The following AXL variants were observed in gnomAD, a reference collection of about 807,000 sequenced individuals.
AXL encodes AXL receptor tyrosine kinase.
AXL carries 52 observed loss-of-function variants against 104.5 expected under a neutral mutation model. That is an observed-to-expected ratio of 0.50 (90% CI 0.40 to 0.63). AXL has a LOEUF of 0.63. Ranked by LOEUF, AXL falls within the 20% of genes least tolerant of loss-of-function variation. AXL has a pLI of 0.00. For missense variants in AXL, 1,024 were observed against 1,188.5 expected, an observed-to-expected ratio of 0.86 and a Z score of 2.04; for synonymous variants, 455 against 473.7, an observed-to-expected ratio of 0.96 and a Z score of 0.51.
At chr19:41,245,450 G>A (rs573047411) in intron 12 of AXL, among the ~76,000 whole-genome samples, 111 of 152,342 alleles carry the variant, frequency 7.3e-4, no homozygotes, top group South Asian at 3.9e-3. Flanking sequence ...TCGGCTGGGT[G>A]CAGTGGCTCA....
intron 4 of AXL, among the ~76,000 whole-genome samples, chr19:41,227,754 G>T (rs2033908927): frequency 6.6e-6 from 1 of 152,104 alleles, no homozygotes; most frequent in South Asian, 2.1e-4. Flanking sequence ...CTCCCAAAGT[G>T]CTGGGATTAC....
At chr19:41,250,885 G>A (rs1468910389) in intron 14 of AXL, among the ~76,000 whole-genome samples, 1 of 152,066 alleles carries the variant, frequency 6.6e-6, no homozygotes, top group Non-Finnish European at 1.5e-5. Flanking sequence ...TCTTGGCCTG[G>A]GTCTGAATCT....
rs1457227162 is a variant in AXL at position 41,257,772 on chromosome 19, G to GGTTAGGGCCAT, written c.2333+143_2333+144insGTTAGGGCCAT. ...AGTGACCCACTTGCCCCTCACCAAT[G>GGTTAGGGCCAT]CTCTGAGTAGGGCCATCACTAACCA... On this transcript the variant is annotated intron_variant, in intron 19 of 19. Coordinates refer to ENST00000301178, the MANE Select transcript of AXL (RefSeq NM_021913.5). 1.7e-4 allele frequency: 176 copies of GGTTAGGGCCAT among 1,060,370 alleles called. 1 individual carries two copies. The East Asian group carries it at 4.2e-3, about 25-fold the overall frequency. The allele number at this position is 1,060,370 out of a possible 1,614,324, so 65.7% of individuals were successfully genotyped here. A position where few individuals can be genotyped will look rare whatever the true frequency, so the allele number is the denominator to read the frequency against.
At chr19:41,256,695 C>T in intron 18 of AXL, 84 bp downstream of exon 18, 1 of 1,550,706 alleles carries the variant, frequency 6.4e-7, no homozygotes, top group Non-Finnish European at 8.8e-7. Flanking sequence ...GCTGTGGATG[C>T]AAGGGTCACA....
intron 18 of AXL, 72 bp from the exon 19 acceptor site, chr19:41,257,421 C>T: frequency 1.3e-6 from 2 of 1,592,152 alleles, no homozygotes; most frequent in Non-Finnish European, 1.7e-6. Context: ...TGTGGGTGTA[C>T]CCATGAACCT....
intron 4 of AXL, chr19:41,226,641 G>A (rs990079486): frequency 1.4e-6 from 1 of 695,750 alleles, no homozygotes; most frequent in Non-Finnish European, 1.8e-6. Flanking sequence ...TACACGCACG[G>A]AGCAAACACG....
At chr19:41,246,473 T>C (rs1471615537) in intron 12 of AXL, among the ~76,000 whole-genome samples, 1 of 130,206 alleles carries the variant, frequency 7.7e-6, no homozygotes, top group East Asian at 2.2e-4. Flanking sequence ...ATAAACCTGA[T>C]AGGTTTTCTT....
At position 41,256,502 on chromosome 19, in the gene AXL, A is replaced by T. The variant is rs1285675499; in HGVS notation, c.2087A>T (p.Lys696Met). ...GTGGCGGACTTCGGGCTCTCCAAGA[A>T]GATCTACAATGGGGACTACTACCGC... ...VCVADFGLSKKIYNGDYYRQG... is the reference protein window; with the variant it reads ...VCVADFGLSKMIYNGDYYRQG... Residue 696 changes from lysine to methionine, a missense_variant, in exon 18 of 20, where the codon AAG (lysine) becomes ATG (methionine). Physicochemically the swap from Lys to Met is moderately conservative, Grantham distance 95 (BLOSUM62 -1). This residue lies in a region of AXL where 523 missense variants were observed against 636.0 expected (regional missense o/e 0.82). Coordinates refer to ENST00000301178, the MANE Select transcript of AXL (RefSeq NM_021913.5). The T allele has an allele frequency of 1.2e-6, 2 of 1,614,072 alleles. No homozygotes were observed. Among genetic ancestry groups the T allele is most frequent in the Admixed American group, 3.3e-5 (2 of 60,008 alleles).
intron 12 of AXL, 69 bp from the exon 13 acceptor site, chr19:41,248,445 C>T (rs2034305950): frequency 7.0e-7 from 1 of 1,424,768 alleles, no homozygotes; most frequent in Non-Finnish European, 9.9e-7. Context: ...TCTATCCCTA[C>T]TGGTGGGTGA....
intron 4 of AXL, among the ~76,000 whole-genome samples, chr19:41,229,793 G>A (rs1362352517): frequency 6.6e-6 from 1 of 152,100 alleles, no homozygotes; most frequent in African/African-American, 2.4e-5. Flanking sequence ...AGTGGGAGAG[G>A]GGTTGGTAGG....
rs1297688569 is a variant in AXL at position 41,219,415 on chromosome 19, T to A, written c.23T>A (p.Met8Lys). 6.2e-7 allele frequency: 1 copy of A among 1,604,308 alleles called. No homozygotes were observed. Among genetic ancestry groups the A allele is most frequent in the East Asian group, 2.3e-5 (1 of 44,422 alleles). ...CCCATGGCGTGGCGGTGCCCCAGGA[T>A]GGGCAGGGTCCCGCTGGCCTGGTGC... is the stretch of plus-strand genomic sequence containing the variant. MAWRCPR[M>K]GRVPLAWCLA... Residue 8 changes from methionine to lysine, a missense_variant, in exon 1 of 20, where the codon ATG becomes AAG. This residue lies in a region of AXL where 124 missense variants were observed against 115.5 expected (regional missense o/e 1.07). Transcript: ENST00000301178.
intron 4 of AXL, among the ~76,000 whole-genome samples, chr19:41,226,303 T>C (rs995691294): frequency 1.3e-5 from 2 of 152,084 alleles, no homozygotes; most frequent in African/African-American, 2.4e-5. Context: ...GCGCTGACCC[T>C]GGCGGGGCCC....
At position 41,238,303 on chromosome 19, in the gene AXL, C is replaced by T. The variant is rs973246219; in HGVS notation, c.994+149C>T. 2.6e-5 allele frequency: 37 copies of T among 1,424,872 alleles called. No homozygotes were observed. In the Middle Eastern group the frequency reaches 1.0e-3, roughly 38 times the overall value. The allele number at this position is 1,424,872 out of a possible 1,614,324, so 88.3% of individuals were successfully genotyped here. On this transcript the variant is annotated intron_variant, in intron 7 of 19. Transcript: ENST00000301178. ...TCTCTGACCCCTCAGCAGCACTGCC[C>T]GCTGGCCTCTCTCCCAGCCCTTCTC...
In AXL at chr19:41,237,958, C is replaced by T. The variant is rs763605285; in HGVS notation, c.798C>T (p.Asp266=). 18 of 1,613,798 alleles carry T rather than the reference C, an allele frequency of 1.1e-5. No individual in the cohort carries two copies. Among genetic ancestry groups the T allele is most frequent in the Admixed American group, 5.0e-5 (3 of 59,938 alleles). ...THCTLQAVLS[D]DGMGIQAGEP... is the part of the protein sequence containing the mutation. ...CCTCTCCTCAGGCTGTGCTGTCAGA[C>T]GATGGGATGGGCATCCAGGCGGGAG... Residue 266 remains aspartate (D), a synonymous_variant, in exon 7 of 20, where the codon GAC becomes GAT. Coordinates refer to ENST00000301178, the MANE Select transcript of AXL (RefSeq NM_021913.5).
At position 41,221,587 on chromosome 19, in the gene AXL, C is replaced by A. The variant is rs73550509; in HGVS notation, c.410-293C>A. 0.013 allele frequency: 6,376 copies of A among 504,620 alleles called. 283 individuals carry two copies. Among genetic ancestry groups the A allele is most frequent in the African/African-American group, 0.099 (4,997 of 50,564 alleles). 31.3% of individuals were successfully genotyped at this position (504,620 alleles called of 1,614,324 possible). On this transcript the variant is annotated intron_variant, in intron 3 of 19. Coordinates refer to ENST00000301178, the MANE Select transcript of AXL (RefSeq NM_021913.5). Reference sequence around the variant, plus strand: ...CGCAACGTACCCCTGTCCCCACGACCCCAGCGGTCTCTTTTTTCTCATCCA... The same window carrying A: ...CGCAACGTACCCCTGTCCCCACGACACCAGCGGTCTCTTTTTTCTCATCCA...
chr19:41,245,478 CT>C (rs1239360529), intron 12 of AXL, among the ~76,000 whole-genome samples: 1 of 152,100 alleles, frequency 6.6e-6, no homozygotes, highest in Non-Finnish European at 1.5e-5. Context: ...AATCTCAACA[CT>C]TTGGGAGGCC....
chr19:41,248,892 G>A, intron 14 of AXL, 72 bp downstream of exon 14: 1 of 1,457,838 alleles, frequency 6.9e-7, no homozygotes, highest in Non-Finnish European at 9.2e-7. Context: ...GAGCAAGCAA[G>A]TTAGCCATAG....
chr19:41,252,527 G>A, intron 15 of AXL, 84 bp downstream of exon 15: 1 of 1,476,564 alleles, frequency 6.8e-7, no homozygotes, highest in Non-Finnish European at 9.4e-7. Context: ...GCCCTGGGAA[G>A]ATCAAACTTC....
intron 10 of AXL, 21 bp downstream of exon 10, chr19:41,239,741 TCTC>T (rs1171685421): frequency 1.2e-6 from 2 of 1,613,814 alleles, no homozygotes; most frequent in Non-Finnish European, 1.7e-6. Flanking sequence ...CCACACCCCA[TCTC>T]CTCCTTCCCT....
Sources: gnomAD v4.1 joint callset for allele counts (sites outside exome capture counted in the v4.1 genomes callset) on GRCh38, gnomAD v4.1.1 for gene constraint, gnomAD v4.1.1 regional missense constraint, MANE v1.5 for transcripts, NCBI Gene and HGNC (gene_info 2026-07-23, HGNC 2026-07-21) for gene names.